Variants in EFCAB11 observed in about 807,000 individuals in gnomAD.
EFCAB11 encodes the protein EF-hand calcium-binding domain-containing protein 11.
A neutral mutation model predicts 23.0 loss-of-function variants in EFCAB11; 14 were observed. The observed-to-expected ratio is 0.61, with a 90% CI of 0.40 to 0.95. The LOEUF is 0.95. Among genes scored for constraint, EFCAB11 ranks in the 40% least tolerant of loss-of-function variants. The pLI, the probability that EFCAB11 is intolerant of heterozygous loss-of-function variation, is 0.00. For missense variants in EFCAB11, 198 were observed against 195.8 expected (o/e 1.01, Z -0.07); for synonymous variants, 65 against 66.6 (o/e 0.98, Z 0.11).
At chr14:89,953,480 G>A (rs1160456200) in intron 2 of EFCAB11, among the ~76,000 whole-genome samples, 1 of 152,196 alleles carries the variant, frequency 6.6e-6, no homozygotes, top group Non-Finnish European at 1.5e-5. Context: ...TAGGCGGCGA[G>A]CGGATTTTAT....
intron 5 of EFCAB11, among the ~76,000 whole-genome samples, chr14:89,840,418 T>C (rs1887221764): frequency 1.3e-5 from 2 of 152,244 alleles, no homozygotes; most frequent in African/African-American, 4.8e-5. Context: ...CCAAAAGCAA[T>C]AATCTCCATT....
chr14:89,878,279 A>G (rs1397612421), intron 5 of EFCAB11, among the ~76,000 whole-genome samples: 1 of 152,214 alleles, frequency 6.6e-6, no homozygotes, highest in Non-Finnish European at 1.5e-5. Context: ...CTAAAGCCAT[A>G]TAATGGAAAT....
intron 5 of EFCAB11, among the ~76,000 whole-genome samples, chr14:89,856,185 TCTCTCTC>T (rs1439005023): frequency 2.1e-5 from 2 of 93,074 alleles, no homozygotes; most frequent in African/African-American, 6.9e-5. Flanking sequence ...AATTTCTCTC[TCTCTCTC>T]TTTTTTTTTT....
intron 5 of EFCAB11, among the ~76,000 whole-genome samples, chr14:89,884,136 A>G (rs1006727767): frequency 2.6e-5 from 4 of 152,188 alleles, no homozygotes; most frequent in East Asian, 3.9e-4. Context: ...CTAAAAAATA[A>G]TAAGAAAACA....
chr14:89,835,536 AAAGTT>A (rs1037650531), intron 5 of EFCAB11, among the ~76,000 whole-genome samples: 2 of 150,660 alleles, frequency 1.3e-5, no homozygotes, highest in African/African-American at 4.9e-5. Context: ...CAGCTCTCAT[AAAGTT>A]TCAGATTTTG....
intron 5 of EFCAB11, among the ~76,000 whole-genome samples, chr14:89,812,771 A>T (rs1308974777): frequency 1.3e-5 from 2 of 152,252 alleles, no homozygotes; most frequent in Non-Finnish European, 2.9e-5. Context: ...ATACCAAAAT[A>T]AGTTCCAAAT....
chr14:89,889,851 G>A (rs919540626), intron 5 of EFCAB11, among the ~76,000 whole-genome samples: 26 of 152,202 alleles, frequency 1.7e-4, no homozygotes, highest in Admixed American at 1.6e-3. Flanking sequence ...CCACTGGAGG[G>A]GAACAATGGG....
intron 5 of EFCAB11, among the ~76,000 whole-genome samples, chr14:89,908,287 C>A (rs1171309960): frequency 6.6e-6 from 1 of 152,188 alleles, no homozygotes; most frequent in East Asian, 1.9e-4. Flanking sequence ...CTCGCTTAAT[C>A]CTCCAAACAA....
At chr14:89,829,816 C>T (rs1886826281) in intron 5 of EFCAB11, 1 of 152,104 alleles carries the variant, frequency 6.6e-6, no homozygotes, top group South Asian at 2.1e-4. Flanking sequence ...TTTGATAAAG[C>T]ATTTTGAATT....
At chr14:89,944,928 GATCTAATAATAA>G (rs1221247002) in intron 3 of EFCAB11, among the ~76,000 whole-genome samples, 6 of 121,022 alleles carry the variant, frequency 5.0e-5, no homozygotes, top group African/African-American at 1.9e-4. Flanking sequence ...GATTTTATTA[GATCTAATAATAA>G]ATCTAATAAA....
At chr14:89,902,264 C>G (rs1165047407) in intron 5 of EFCAB11, among the ~76,000 whole-genome samples, 2 of 152,170 alleles carry the variant, frequency 1.3e-5, no homozygotes, top group African/African-American at 4.8e-5. Flanking sequence ...AAACATCTTC[C>G]CTAACTTCCC....
At chr14:89,912,562 C>CT (rs1223605958) in intron 5 of EFCAB11, among the ~76,000 whole-genome samples, 6 of 152,082 alleles carry the variant, frequency 3.9e-5, no homozygotes, top group African/African-American at 1.4e-4. Context: ...TTAATATATG[C>CT]TTTTTTTACA....
chr14:89,836,344 C>T, intron 5 of EFCAB11: 1 of 334,530 alleles, frequency 3.0e-6, no homozygotes, highest in Admixed American at 3.9e-5. Context: ...AAGCTCATAC[C>T]CATTACCTTT....
At chr14:89,892,020 G>A (rs1888986371) in intron 5 of EFCAB11, 1 of 1,533,248 alleles carries the variant, frequency 6.5e-7, no homozygotes, top group African/African-American at 1.4e-5. Flanking sequence ...GAGCGCTTCA[G>A]CTGCATCACC....
intron 5 of EFCAB11, chr14:89,924,608 A>G: frequency 1.3e-6 from 2 of 1,535,000 alleles, no homozygotes; most frequent in South Asian, 2.4e-5. Flanking sequence ...GATGGCAGGC[A>G]AAGTCAAGAA....
At chr14:89,884,500 C>A (rs147806550) in intron 5 of EFCAB11, among the ~76,000 whole-genome samples, 461 of 151,114 alleles carry the variant, frequency 3.1e-3, no homozygotes, top group African/African-American at 0.011. Context: ...GGGGAAGAAA[C>A]AGGATACCTG....
intron 3 of EFCAB11, among the ~76,000 whole-genome samples, chr14:89,944,918 G>T (rs891790401): frequency 3.8e-5 from 5 of 131,174 alleles, no homozygotes; most frequent in African/African-American, 8.5e-5. Flanking sequence ...TAAAATATTA[G>T]ATTTTATTAG....
chr14:89,929,031 A>ATATATATATATATTT lies in EFCAB11; in HGVS notation c.410+2509_410+2510insAAATATATATATATA, dbSNP rs1555376976. Among the ~76,000 whole-genome samples, 820 of 129,684 alleles carry ATATATATATATATTT rather than the reference A, an allele frequency of 6.3e-3. 14 individuals carry two copies. Among genetic ancestry groups the ATATATATATATATTT allele is most frequent in the Admixed American group, 0.04 (496 of 12,554 alleles). The allele number at this position is 129,684 out of a possible 152,430, so 85.1% of individuals were successfully genotyped here. A position where few individuals can be genotyped will look rare whatever the true frequency, so the allele number is the denominator to read the frequency against. ...GAAAGATGGACATATAAATACATAC[A>ATATATATATATATTT]TATATATATATATACACACACACAT... On this transcript the variant is annotated intron_variant, in intron 5 of 5. Transcript: ENST00000316738.
chr14:89,859,200 T>C (rs890525975), intron 5 of EFCAB11, among the ~76,000 whole-genome samples: 2 of 152,212 alleles, frequency 1.3e-5, no homozygotes, highest in African/African-American at 4.8e-5. Flanking sequence ...ATTTCACTTA[T>C]TTAAAACTAT....
Sources: gnomAD v4.1 joint callset for allele counts (sites outside exome capture counted in the v4.1 genomes callset) on GRCh38, gnomAD v4.1.1 for gene constraint, MANE v1.5 for transcripts, NCBI Gene and HGNC (gene_info 2026-07-23, HGNC 2026-07-21) for gene names.